ATG13: variants seen among roughly 807,000 people sequenced by gnomAD.
ATG13 encodes the protein autophagy-related protein 13.
A neutral mutation model predicts 65.5 loss-of-function variants in ATG13; 23 were observed. The ratio of observed to expected loss-of-function variants is 0.35; its 90% confidence interval spans 0.25 to 0.50. ATG13 has a LOEUF of 0.50. Among genes scored for constraint, ATG13 ranks in the 20% least tolerant of loss-of-function variants. ATG13 has a pLI of 0.98. For synonymous variants in ATG13, 252 were observed against 245.2 expected, an observed-to-expected ratio of 1.03 and a Z score of -0.26; for missense variants, 566 against 677.0, an observed-to-expected ratio of 0.84 and a Z score of 1.82.
At position 46,622,360 on chromosome 11, in the gene ATG13, G is replaced by T. The variant is rs544428711; in HGVS notation, c.-70+4470G>T. Among the ~76,000 whole-genome samples the T allele has an allele frequency of 2.0e-5, 3 of 151,636 alleles. No individual in the cohort carries two copies. The East Asian group carries it at 5.8e-4, about 29-fold the overall frequency. ...TCTCGATCTCCTGACCTCGTGATCCGCCTGCCTCGGTCTCCCAAAGTGCTG... is the reference window on the plus strand; with the variant it reads ...TCTCGATCTCCTGACCTCGTGATCCTCCTGCCTCGGTCTCCCAAAGTGCTG... On this transcript the variant is annotated intron_variant, in intron 1 of 18. Transcript: ENST00000683050.
chr11:46,640,006 A>C (rs1189632431), intron 2 of ATG13, among the ~76,000 whole-genome samples: 1 of 151,852 alleles, frequency 6.6e-6, no homozygotes, highest in Non-Finnish European at 1.5e-5. Context: ...ATGCCCAGCT[A>C]ATTTTTATAT....
At chr11:46,641,452 C>G (rs973511629) in intron 2 of ATG13, among the ~76,000 whole-genome samples, 15 of 152,086 alleles carry the variant, frequency 9.9e-5, no homozygotes, top group African/African-American at 3.6e-4. Context: ...CTGCTACATC[C>G]AACAATATAG....
In ATG13 at chr11:46,632,485, G is replaced by T. The variant is rs370164712; in HGVS notation, c.-14+2385G>T. On this transcript the variant is annotated intron_variant, in intron 2 of 18. Transcript: ENST00000683050. ...GTAAAGTGGCCTTGATTTGAAGTAA[G>T]TGGTAACCTAAAAGCTCTTTTTCTT... 6 of 152,292 alleles carry T rather than the reference G, an allele frequency of 3.9e-5. No homozygotes were observed. In the East Asian group the frequency reaches 9.6e-4, roughly 24 times the overall value. The allele number at this position is 152,292 out of a possible 1,614,324, so 9.4% of individuals were successfully genotyped here.
At chr11:46,655,027 A>G (rs1156694264) in intron 7 of ATG13, among the ~76,000 whole-genome samples, 2 of 152,098 alleles carry the variant, frequency 1.3e-5, no homozygotes, top group African/African-American at 4.8e-5. Context: ...TGAGTCCAGG[A>G]GGTGGAGGTT....
chr11:46,669,989 A>G (rs967403386), intron 18 of ATG13, among the ~76,000 whole-genome samples: 3 of 152,070 alleles, frequency 2.0e-5, no homozygotes, highest in Admixed American at 2.0e-4. Context: ...ACTGATTATA[A>G]TGACCCCATC....
chr11:46,659,469 C>T lies in ATG13; in HGVS notation c.773C>T (p.Thr258Ile). ...GAAGTGTGTACCACCTCTTTTTCCACCTCCCCACCATCCCAGGTAGGGGGA... is the reference window on the plus strand; with the variant it reads ...GAAGTGTGTACCACCTCTTTTTCCATCTCCCCACCATCCCAGGTAGGGGGA... ...SQEVCTTSFSTSPPSQCVFTV... is the reference protein window; with the variant it reads ...SQEVCTTSFSISPPSQCVFTV... The change falls in exon 11 of 19, where the codon ACC (threonine) becomes ATC (isoleucine). Residue 258 changes from threonine (T) to isoleucine (I), a missense_variant. Thr to Ile is a moderately conservative substitution (Grantham distance 89). Around this residue, in one of 2 missense-constraint regions of ATG13, gnomAD observed 387 missense variants for 409.8 expected, o/e 0.94. Transcript: ENST00000683050. The T allele has an allele frequency of 1.2e-6, 2 of 1,613,682 alleles. No homozygotes were observed. The highest frequency in any genetic ancestry group is 1.7e-6 in the Non-Finnish European group (2 of 1,179,594).
At chr11:46,633,215 G>A (rs935373769) in intron 2 of ATG13, among the ~76,000 whole-genome samples, 14 of 149,990 alleles carry the variant, frequency 9.3e-5, no homozygotes, top group Non-Finnish European at 1.8e-4. Context: ...TGGTGGAGAT[G>A]GGGCTTCACC....
intron 14 of ATG13, among the ~76,000 whole-genome samples, chr11:46,665,999 G>A (rs1399735715): frequency 6.6e-6 from 1 of 151,636 alleles, no homozygotes; most frequent in Non-Finnish European, 1.5e-5. Flanking sequence ...GAGATGGGGG[G>A]TCTCGTCATA....
chr11:46,620,141 A>T (rs1044488864), intron 1 of ATG13, among the ~76,000 whole-genome samples: 1 of 151,034 alleles, frequency 6.6e-6, no homozygotes, highest in African/African-American at 2.4e-5. Context: ...CCCAGGCTGG[A>T]GGACAGTGGC....
intron 1 of ATG13, among the ~76,000 whole-genome samples, chr11:46,623,630 G>A (rs2135687873): frequency 6.6e-6 from 1 of 152,174 alleles, no homozygotes; most frequent in East Asian, 1.9e-4. Context: ...GTTTCACCAT[G>A]TTGGCCAGGC....
chr11:46,674,083 C>A lies in ATG13; in HGVS notation c.*1751C>A, dbSNP rs2064291057. The A allele has an allele frequency of 6.6e-6, 1 of 152,252 alleles. No individual in the cohort carries two copies. Among genetic ancestry groups the A allele is most frequent in the Non-Finnish European group, 1.5e-5 (1 of 68,116 alleles). The allele number at this position is 152,252 out of a possible 1,614,324, so 9.4% of individuals were successfully genotyped here. On this transcript the variant is annotated 3_prime_UTR_variant, in exon 19 of 19. Coordinates refer to ENST00000683050, the MANE Select transcript of ATG13 (RefSeq NM_001346311.2). ...CCCAGGCTCAGGTTTATCCCCAAGGCCCCAGCTTTGAGAAGGGGGAAGGCC... is the reference window on the plus strand; with the variant it reads ...CCCAGGCTCAGGTTTATCCCCAAGGACCCAGCTTTGAGAAGGGGGAAGGCC...
Position 46,672,139 on chromosome 11 carries a change from G to A in ATG13, c.1576-116G>A, listed in dbSNP as rs1396787234. On this transcript the variant is annotated intron_variant, in intron 18 of 18. Coordinates refer to ENST00000683050, the MANE Select transcript of ATG13 (RefSeq NM_001346311.2). ...CTGCCCTGCGTTCTCCCACTTGCTC[G>A]GCCCAGCTAGGGCTGAGCTTCGTCT... 3.3e-6 allele frequency: 5 copies of A among 1,523,216 alleles called. No individual in the cohort carries two copies. In the Admixed American group the frequency reaches 5.4e-5, roughly 16 times the overall value. 94.4% of individuals were successfully genotyped at this position (1,523,216 alleles called of 1,614,324 possible).
intron 2 of ATG13, among the ~76,000 whole-genome samples, chr11:46,640,248 A>G (rs903361891): frequency 6.6e-6 from 1 of 152,234 alleles, no homozygotes; most frequent in South Asian, 2.1e-4. Flanking sequence ...GTCAAAGTAC[A>G]GCGTGATTAA....
intron 10 of ATG13, among the ~76,000 whole-genome samples, chr11:46,657,848 G>T (rs1396837467): frequency 6.6e-6 from 1 of 152,094 alleles, no homozygotes; most frequent in Non-Finnish European, 1.5e-5. Flanking sequence ...AAATTCTTGG[G>T]ATATTTTGGA....
chr11:46,669,393 T>C lies in ATG13; in HGVS notation c.1447-11T>C, dbSNP rs1427832286. The C allele has an allele frequency of 1.2e-6, 2 of 1,613,818 alleles. No homozygotes were observed. Among genetic ancestry groups the C allele is most frequent in the Admixed American group, 3.3e-5 (2 of 60,016 alleles). On this transcript the variant is annotated splice_polypyrimidine_tract_variant and intron_variant, in intron 17 of 18. Transcript: ENST00000683050. Reference sequence around the variant, plus strand: ...AAGGCAAGCTAAACTGACTCTGTCTTGTTTTTGAAGAAACCAGCTTTTTCT... The same window carrying C: ...AAGGCAAGCTAAACTGACTCTGTCTCGTTTTTGAAGAAACCAGCTTTTTCT...
rs777906187 is a variant in ATG13, at chr11:46,664,155, G to A, written c.888+60G>A. 27 of 1,254,190 alleles carry A rather than the reference G, an allele frequency of 2.2e-5. No individual in the cohort carries two copies. The African/African-American group carries it at 2.9e-4, about 13-fold the overall frequency. 77.7% of individuals were successfully genotyped at this position (1,254,190 alleles called of 1,614,324 possible). ...GATGGCATCCTTTTATTTAAAAATT[G>A]TAAATAAATTATAAGGTACAGTTAT... On this transcript the variant is annotated intron_variant, in intron 12 of 18. Coordinates refer to ENST00000683050, the MANE Select transcript of ATG13 (RefSeq NM_001346311.2).
intron 15 of ATG13, 113 bp from the exon 16 acceptor site, chr11:46,668,385 TG>T: frequency 1.9e-6 from 2 of 1,029,274 alleles, no homozygotes; most frequent in Non-Finnish European, 3.0e-6. Context: ...AGGGGCAGCA[TG>T]GTCAGCATAG....
chr11:46,620,794 T>A (rs1038493957), intron 1 of ATG13, among the ~76,000 whole-genome samples: 3 of 151,634 alleles, frequency 2.0e-5, no homozygotes, highest in African/African-American at 7.3e-5. Flanking sequence ...GAAAAACAAC[T>A]CAATTAACGT....
chr11:46,630,176 C>G (rs1287624746), intron 2 of ATG13, 76 bp downstream of exon 2: 1 of 152,034 alleles, frequency 6.6e-6, no homozygotes, highest in East Asian at 1.9e-4. Context: ...TGTAAACATG[C>G]AAGAATAGAA....
Sources: allele counts gnomAD v4.1 joint callset (sites outside exome capture counted in the v4.1 genomes callset), GRCh38; gene constraint gnomAD v4.1.1; regional missense constraint gnomAD v4.1.1; transcripts MANE v1.5; gene names NCBI Gene and HGNC (gene_info 2026-07-23, HGNC 2026-07-21).